The following DCC variants were observed in gnomAD, a reference collection of about 807,000 sequenced individuals.
The protein encoded by DCC is netrin receptor DCC.
Under a neutral mutation model 172.5 loss-of-function variants are expected in DCC, and 58 were observed. That is an observed-to-expected ratio of 0.34 (90% CI 0.27 to 0.42). The LOEUF is 0.42. DCC is among the 10% of genes least tolerant of loss of function. The pLI is 1.00. For missense variants in DCC, 1,740 were observed against 1,791.0 expected (o/e 0.97, Z 0.51); for synonymous variants, 709 against 644.5 (o/e 1.10, Z -1.52).
In DCC at chr18:52,340,669, G is replaced by A. The variant is rs988710549; in HGVS notation, c.-119G>A. 8.8e-6 allele frequency: 7 copies of A among 795,064 alleles called. No individual in the cohort carries two copies. The highest frequency in any genetic ancestry group is 1.6e-5 in the Non-Finnish European group (7 of 437,280). The allele number at this position is 795,064 out of a possible 1,614,324, so 49.3% of individuals were successfully genotyped here. ...AGAGGTGGAGGAAGAGGACGAGGAG[G>A]AGGAGGAAGCCGAAGGGGCTCGGCG... On this transcript the variant is annotated 5_prime_UTR_variant, in exon 1 of 29. Coordinates refer to ENST00000442544, the MANE Select transcript of DCC (RefSeq NM_005215.4).
chr18:52,690,228 T>C (rs2035910289), intron 1 of DCC, among the ~76,000 whole-genome samples: 1 of 152,174 alleles, frequency 6.6e-6, no homozygotes, highest in Non-Finnish European at 1.5e-5. Flanking sequence ...TGGAAGGCAC[T>C]GAGTGCTCAA....
intron 11 of DCC, among the ~76,000 whole-genome samples, chr18:53,210,083 A>G (rs1053906786): frequency 2.0e-5 from 3 of 152,196 alleles, no homozygotes; most frequent in East Asian, 1.9e-4. Flanking sequence ...TAGAGTGGAC[A>G]CCGTGACCTC....
intron 1 of DCC, among the ~76,000 whole-genome samples, chr18:52,694,797 A>G (rs1365332518): frequency 6.6e-6 from 1 of 152,128 alleles, no homozygotes; most frequent in East Asian, 1.9e-4. Context: ...TCACATTTCT[A>G]TGCCCAAATT....
intron 1 of DCC, among the ~76,000 whole-genome samples, chr18:52,418,933 T>C (rs1477379303): frequency 1.4e-5 from 2 of 144,592 alleles, no homozygotes; most frequent in Admixed American, 7.2e-5. Flanking sequence ...CGATCTCGGA[T>C]CACTGCAACC....
At chr18:53,361,367 A>G (rs1434243592) in intron 15 of DCC, among the ~76,000 whole-genome samples, 3 of 152,152 alleles carry the variant, frequency 2.0e-5, no homozygotes, top group South Asian at 2.1e-4. Context: ...TCTCCTAAAC[A>G]TTGTTTTTTA....
intron 27 of DCC, among the ~76,000 whole-genome samples, chr18:53,517,597 T>C (rs372947728): frequency 6.6e-6 from 1 of 152,060 alleles, no homozygotes. Flanking sequence ...GGTGGCCCAA[T>C]GAAAGCCACG....
At chr18:53,022,154 A>G (rs1462894282) in intron 5 of DCC, among the ~76,000 whole-genome samples, 1 of 152,176 alleles carries the variant, frequency 6.6e-6, no homozygotes, top group Non-Finnish European at 1.5e-5. Context: ...TTTCAGGAAA[A>G]TAAATGCAAT....
chr18:52,565,138 T>A (rs1021435768), intron 1 of DCC, among the ~76,000 whole-genome samples: 1 of 152,098 alleles, frequency 6.6e-6, no homozygotes, highest in Non-Finnish European at 1.5e-5. Flanking sequence ...TATGTACTTT[T>A]AAACATTTAT....
chr18:52,533,059 A>C (rs2032196313), intron 1 of DCC, among the ~76,000 whole-genome samples: 1 of 152,220 alleles, frequency 6.6e-6, no homozygotes, highest in Non-Finnish European at 1.5e-5. Flanking sequence ...TGGCCTTTAA[A>C]ATATTTGCTA....
intron 5 of DCC, among the ~76,000 whole-genome samples, chr18:52,933,263 G>A (rs1443170126): frequency 6.6e-6 from 1 of 152,032 alleles, no homozygotes; most frequent in Non-Finnish European, 1.5e-5. Context: ...TTGGGCATAA[G>A]AAGATATGAC....
At chr18:53,237,122 C>G (rs557787192) in intron 12 of DCC, 1 of 152,144 alleles carries the variant, frequency 6.6e-6, no homozygotes, top group Admixed American at 6.6e-5. Context: ...GAGTACAGAT[C>G]TTTATATATA....
chr18:53,305,605 C>G lies in DCC; in HGVS notation c.1939C>G (p.Pro647Ala). Residue 647 changes from proline to alanine, a missense_variant, in exon 13 of 29, where the codon CCA becomes GCA. By Grantham distance (27) the Pro-to-Ala change is conservative. Transcript: ENST00000442544. Reference sequence around the variant, plus strand: ...TATCAAAGTTAGCTGGCTGCCTCCTCCATCAGGAACACAAAATGGATTTAT... The same window carrying G: ...TATCAAAGTTAGCTGGCTGCCTCCTGCATCAGGAACACAAAATGGATTTAT... ...RSIKVSWLPPPSGTQNGFITG... is the reference protein window; with the variant it reads ...RSIKVSWLPPASGTQNGFITG... 6.2e-7 allele frequency: 1 copy of G among 1,613,156 alleles called. No individual in the cohort carries two copies.
chr18:52,903,889 G>A (rs901085808), intron 2 of DCC, among the ~76,000 whole-genome samples: 2 of 152,140 alleles, frequency 1.3e-5, no homozygotes, highest in Non-Finnish European at 2.9e-5. Context: ...TACTTCTTTG[G>A]AATAGACACA....
At chr18:53,285,701 C>T (rs2056927809) in intron 12 of DCC, among the ~76,000 whole-genome samples, 1 of 152,158 alleles carries the variant, frequency 6.6e-6, no homozygotes, top group East Asian at 1.9e-4. Flanking sequence ...ATGGTATAAC[C>T]ACTGACAGCT....
At chr18:52,876,982 AAT>A (rs2039413123) in intron 2 of DCC, among the ~76,000 whole-genome samples, 1 of 152,230 alleles carries the variant, frequency 6.6e-6, no homozygotes, top group South Asian at 2.1e-4. Flanking sequence ...ATAAACAATG[AAT>A]ATGTTTTTAA....
At chr18:53,405,883 A>G (rs992869744) in intron 19 of DCC, among the ~76,000 whole-genome samples, 1 of 152,234 alleles carries the variant, frequency 6.6e-6, no homozygotes, top group Admixed American at 6.5e-5. Context: ...CAGAGCTAGG[A>G]TTTAAAACTC....
intron 19 of DCC, among the ~76,000 whole-genome samples, chr18:53,405,020 A>G (rs1909570470): frequency 6.6e-6 from 1 of 152,124 alleles, no homozygotes; most frequent in Non-Finnish European, 1.5e-5. Flanking sequence ...GGGAGCAAAC[A>G]ATAAGAACCC....
At chr18:52,934,336 A>G (rs1406181624) in intron 5 of DCC, among the ~76,000 whole-genome samples, 2 of 152,142 alleles carry the variant, frequency 1.3e-5, no homozygotes, top group East Asian at 1.9e-4. Flanking sequence ...GAAAAAGATG[A>G]TGTCCATTTG....
intron 5 of DCC, among the ~76,000 whole-genome samples, chr18:52,929,070 C>T (rs961714880): frequency 6.6e-6 from 1 of 152,102 alleles, no homozygotes; most frequent in Non-Finnish European, 1.5e-5. Flanking sequence ...AAAGTGGGTA[C>T]TGGGGAGTGG....
Sources: gnomAD v4.1 joint callset for allele counts (sites outside exome capture counted in the v4.1 genomes callset) on GRCh38, gnomAD v4.1.1 for gene constraint, MANE v1.5 for transcripts, NCBI Gene and HGNC (gene_info 2026-07-23, HGNC 2026-07-21) for gene names.